KCNH7: variants seen among roughly 807,000 people sequenced by gnomAD.
The protein encoded by KCNH7 is potassium voltage-gated channel subfamily H member 7.
KCNH7 carries 49 observed loss-of-function variants against 120.8 expected under a neutral mutation model. That is an observed-to-expected ratio of 0.41 (90% CI 0.32 to 0.51). KCNH7 has a LOEUF of 0.51. Among genes scored for constraint, KCNH7 ranks in the 20% least tolerant of loss-of-function variants. The probability of loss-of-function intolerance (pLI) is 0.38; values close to 1 mark genes in which losing one functional copy is unlikely to be tolerated. For synonymous variants in KCNH7, 547 were observed against 516.1 expected (o/e 1.06, Z -0.81); for missense variants, 1,097 against 1,446.6 (o/e 0.76, Z 3.92).
intron 3 of KCNH7, among the ~76,000 whole-genome samples, chr2:162,531,027 T>C (rs999840460): frequency 1.3e-5 from 2 of 151,916 alleles, no homozygotes; most frequent in African/African-American, 4.8e-5. Flanking sequence ...TGGTAAATAA[T>C]GGGCCTTTGT....
In KCNH7 at chr2:162,517,998, G is replaced by A; in HGVS notation, c.624C>T (p.Cys208=). ...KHFKSPTKES[C]SPSEADDTKA... is the part of the protein sequence containing the mutation. ...TTGTGTCATCTGCTTCAGAGGGGCT[G>A]CAGCTTTCTTTTGTAGGAGACTTAA... is the stretch of plus-strand genomic sequence containing the variant. The change falls in exon 4 of 16, where the codon TGC becomes TGT. Residue 208 remains cysteine, a synonymous_variant. Transcript: ENST00000332142. 1 of 1,612,464 alleles carries A rather than the reference G, an allele frequency of 6.2e-7. No individual in the cohort carries two copies. Among genetic ancestry groups the A allele is most frequent in the Non-Finnish European group, 8.5e-7 (1 of 1,178,928 alleles).
intron 2 of KCNH7, among the ~76,000 whole-genome samples, chr2:162,728,467 C>A (rs747598759): frequency 2.6e-5 from 4 of 152,130 alleles, no homozygotes; most frequent in Admixed American, 6.5e-5. Flanking sequence ...TAGTGTCTTT[C>A]AGAAGAGCAG....
At chr2:162,564,017 T>A (rs1843554) in intron 2 of KCNH7, among the ~76,000 whole-genome samples, 1 of 151,522 alleles carries the variant, frequency 6.6e-6, no homozygotes, top group Non-Finnish European at 1.5e-5. Context: ...AGCAATAAAC[T>A]GGTACAACTC....
At chr2:162,811,855 G>A (rs550318377) in intron 2 of KCNH7, among the ~76,000 whole-genome samples, 6 of 152,184 alleles carry the variant, frequency 3.9e-5, no homozygotes, top group East Asian at 1.9e-4. Context: ...AAGGGCAGGC[G>A]TAGACTCTTC....
chr2:162,836,786 A>G lies in KCNH7; in HGVS notation c.77-19T>C. On this transcript the variant is annotated intron_variant, in intron 1 of 15. Coordinates refer to ENST00000332142, the MANE Select transcript of KCNH7 (RefSeq NM_033272.4). ...TTTTTATCTGTAATAAGAAGACAGTATGGCATCTTTGAAAAAGCTTCCACA... is the reference window on the plus strand; with the variant it reads ...TTTTTATCTGTAATAAGAAGACAGTGTGGCATCTTTGAAAAAGCTTCCACA... 6.4e-7 allele frequency: 1 copy of G among 1,550,754 alleles called. No individual in the cohort carries two copies. Among genetic ancestry groups the G allele is most frequent in the African/African-American group, 1.4e-5 (1 of 73,548 alleles).
chr2:162,392,308 G>A (rs1360420488), intron 12 of KCNH7, among the ~76,000 whole-genome samples: 1 of 151,886 alleles, frequency 6.6e-6, no homozygotes, highest in East Asian at 1.9e-4. Flanking sequence ...GTGTGTATGT[G>A]TGTGTTTTTG....
chr2:162,755,449 G>T (rs967730896), intron 2 of KCNH7, among the ~76,000 whole-genome samples: 5 of 152,018 alleles, frequency 3.3e-5, no homozygotes, highest in Admixed American at 3.3e-4. Flanking sequence ...TCCAGACTGG[G>T]CAACAGAGCA....
chr2:162,647,572 C>G (rs894875375), intron 2 of KCNH7, among the ~76,000 whole-genome samples: 1 of 152,116 alleles, frequency 6.6e-6, no homozygotes, highest in Non-Finnish European at 1.5e-5. Flanking sequence ...TGGTTTCCCC[C>G]ATACTGTTCT....
chr2:162,426,007 G>A (rs1208258608), intron 8 of KCNH7, among the ~76,000 whole-genome samples: 3 of 151,790 alleles, frequency 2.0e-5, no homozygotes, highest in South Asian at 4.2e-4. Context: ...TGAGCTCAGC[G>A]GTTCGAGACC....
At chr2:162,376,440 G>A (rs989562359) in intron 14 of KCNH7, among the ~76,000 whole-genome samples, 12 of 149,530 alleles carry the variant, frequency 8.0e-5, no homozygotes, top group African/African-American at 2.2e-4. Context: ...ATCTCGGCTC[G>A]CTGCAACCTC....
At chr2:162,512,360 T>G (rs1558986838) in intron 5 of KCNH7, among the ~76,000 whole-genome samples, 1 of 151,832 alleles carries the variant, frequency 6.6e-6, no homozygotes, top group African/African-American at 2.4e-5. Context: ...TCAGAATATA[T>G]TTAGCTTGAT....
chr2:162,548,866 A>T (rs1262815185), intron 2 of KCNH7, among the ~76,000 whole-genome samples: 1 of 152,206 alleles, frequency 6.6e-6, no homozygotes, highest in East Asian at 1.9e-4. Context: ...ATTGCCTTGT[A>T]TACTGAAAAA....
intron 2 of KCNH7, among the ~76,000 whole-genome samples, chr2:162,671,889 G>A (rs1472148623): frequency 1.3e-5 from 2 of 151,934 alleles, no homozygotes; most frequent in Admixed American, 6.6e-5. Flanking sequence ...GAGATTAATT[G>A]TTCAAAATAT....
chr2:162,470,655 C>T (rs1259929957), intron 6 of KCNH7, among the ~76,000 whole-genome samples: 9 of 149,888 alleles, frequency 6.0e-5, no homozygotes, highest in East Asian at 2.0e-4. Context: ...CCAGCCGCCC[C>T]GTCCGGGAGG....
At chr2:162,643,804 CAAAAAA>C (rs781089376) in intron 2 of KCNH7, among the ~76,000 whole-genome samples, 2 of 90,402 alleles carry the variant, frequency 2.2e-5, no homozygotes, top group African/African-American at 9.5e-5. Flanking sequence ...GACTCTATCT[CAAAAAA>C]AAAAAAAAAA....
chr2:162,822,337 G>A (rs1305210814), intron 2 of KCNH7, among the ~76,000 whole-genome samples: 1 of 151,852 alleles, frequency 6.6e-6, no homozygotes, highest in Non-Finnish European at 1.5e-5. Context: ...GGTACCTGGA[G>A]CTGTTTTAAG....
At chr2:162,460,390 G>T (rs576521721) in intron 6 of KCNH7, among the ~76,000 whole-genome samples, 1 of 152,154 alleles carries the variant, frequency 6.6e-6, no homozygotes, top group South Asian at 2.1e-4. Flanking sequence ...TATTGAGGAT[G>T]GATGACACTT....
At chr2:162,624,476 A>T (rs540184039) in intron 2 of KCNH7, among the ~76,000 whole-genome samples, 2 of 152,264 alleles carry the variant, frequency 1.3e-5, no homozygotes, top group South Asian at 4.1e-4. Context: ...TCCTTTTCCC[A>T]TCTGAAAAAT....
chr2:162,654,717 T>C, intron 2 of KCNH7, among the ~76,000 whole-genome samples: 1 of 152,182 alleles, frequency 6.6e-6, no homozygotes, highest in East Asian at 1.9e-4. Context: ...TGAGCATTAT[T>C]CACAATAGCC....
Sources: gnomAD v4.1 joint callset for allele counts (sites outside exome capture counted in the v4.1 genomes callset) on GRCh38, gnomAD v4.1.1 for gene constraint, MANE v1.5 for transcripts, NCBI Gene and HGNC (gene_info 2026-07-23, HGNC 2026-07-21) for gene names.